The following SHQ1 variants were observed in gnomAD, a reference collection of about 807,000 sequenced individuals.
SHQ1 encodes SHQ1, H/ACA ribonucleoprotein assembly factor, also known as protein SHQ1 homolog.
A neutral mutation model predicts 53.8 loss-of-function variants in SHQ1; 49 were observed. That is an observed-to-expected ratio of 0.91 (90% confidence interval 0.72 to 1.16). SHQ1 has a LOEUF of 1.16. SHQ1 is among the 50% of genes most tolerant of loss of function. The pLI is 0.00. For missense variants in SHQ1, 738 were observed against 683.1 expected (o/e 1.08, Z -0.90); for synonymous variants, 243 against 251.0 (o/e 0.97, Z 0.30).
the SHQ1 span, among the ~76,000 whole-genome samples, chr3:72,727,529 T>C: frequency 2.0e-5 from 3 of 152,204 alleles, no homozygotes. Flanking sequence ...ACATCAGAGC[T>C]AGGAACAGAT....
intron 5 of SHQ1, among the ~76,000 whole-genome samples, chr3:72,828,109 C>T (rs1575728552): frequency 6.6e-6 from 1 of 152,158 alleles, no homozygotes; most frequent in African/African-American, 2.4e-5. Flanking sequence ...ATGCCCTCTA[C>T]GTGCATCATC....
At chr3:72,763,971 T>C (rs1254410705) in intron 10 of SHQ1, among the ~76,000 whole-genome samples, 1 of 151,240 alleles carries the variant, frequency 6.6e-6, no homozygotes, top group Non-Finnish European at 1.5e-5. Context: ...GAACAGAAAT[T>C]AGAAAGCATT....
intron 10 of SHQ1, among the ~76,000 whole-genome samples, chr3:72,751,508 G>GTGTGTGTGTGTGTATATATATATA (rs1210782182): frequency 1.7e-4 from 20 of 116,976 alleles, no homozygotes; most frequent in African/African-American, 8.4e-4. Context: ...GTGTGTGTGT[G>GTGTGTGTGTGTGTATATATATATA]TATATATATA....
At chr3:72,806,915 A>G (rs1009273224) in intron 9 of SHQ1, among the ~76,000 whole-genome samples, 8 of 152,160 alleles carry the variant, frequency 5.3e-5, no homozygotes, top group Non-Finnish European at 1.0e-4. Flanking sequence ...TGGACATCTT[A>G]GCTCCCTAGG....
chr3:72,733,290 C>T, the SHQ1 span, among the ~76,000 whole-genome samples: 1 of 151,642 alleles, frequency 6.6e-6, no homozygotes, highest in Non-Finnish European at 1.5e-5. Flanking sequence ...CCATTCCAAC[C>T]AGCACCTAGG....
chr3:72,835,695 C>T (rs767527261), intron 4 of SHQ1, among the ~76,000 whole-genome samples: 2 of 152,192 alleles, frequency 1.3e-5, no homozygotes, highest in African/African-American at 2.4e-5. Context: ...GTTCACCGTC[C>T]TCTTCTGGCT....
chr3:72,765,528 GAC>G (rs1401746616), intron 10 of SHQ1, among the ~76,000 whole-genome samples: 1 of 99,902 alleles, frequency 1.0e-5, no homozygotes, highest in East Asian at 2.5e-4. Context: ...AGATTCACAT[GAC>G]ATATATATAT....
chr3:72,739,295 C>G, the SHQ1 span, among the ~76,000 whole-genome samples: 1 of 152,190 alleles, frequency 6.6e-6, no homozygotes, highest in Non-Finnish European at 1.5e-5. Context: ...GCCCATCCAC[C>G]GACAATCCCC....
chr3:72,813,053 A>G (rs1189715174), intron 8 of SHQ1, among the ~76,000 whole-genome samples: 3 of 152,262 alleles, frequency 2.0e-5, no homozygotes, highest in African/African-American at 7.2e-5. Context: ...AAAGTCCTAA[A>G]GATTACAAAT....
intron 5 of SHQ1, among the ~76,000 whole-genome samples, chr3:72,831,531 C>A (rs1707819973): frequency 6.6e-6 from 1 of 152,124 alleles, no homozygotes. Context: ...AGGTACTATA[C>A]CAATATAAGG....
chr3:72,779,026 A>T (rs1193038734), intron 10 of SHQ1, among the ~76,000 whole-genome samples: 5 of 152,182 alleles, frequency 3.3e-5, no homozygotes, highest in Non-Finnish European at 7.3e-5. Flanking sequence ...AACTGGCCTA[A>T]AAAGCTCTTT....
At chr3:72,758,006 A>G (rs1264212975) in intron 10 of SHQ1, among the ~76,000 whole-genome samples, 2 of 152,228 alleles carry the variant, frequency 1.3e-5, no homozygotes, top group Admixed American at 6.5e-5. Flanking sequence ...TTTTATGATA[A>G]TGACATATCA....
chr3:72,742,676 G>A, the SHQ1 span, among the ~76,000 whole-genome samples: 371 of 148,846 alleles, frequency 2.5e-3, 1 homozygote, highest in African/African-American at 9.0e-3. Context: ...GAGTGCAGTG[G>A]CATAATCTCG....
rs181545271 is a variant in SHQ1, at chr3:72,809,505, A to T, written c.1060+3166T>A. The T allele has an allele frequency of 1.3e-3, 198 of 152,278 alleles. 1 individual carries two copies. Among genetic ancestry groups the T allele is most frequent in the African/African-American group, 4.5e-3 (187 of 41,536 alleles). 9.4% of individuals were successfully genotyped at this position (152,278 alleles called of 1,614,324 possible). ...GGAAGTGAAAGCAAAAATTAAGTTG[A>T]TGTTTCTCTTCCATCCCATCCCATC... On this transcript the variant is annotated intron_variant, in intron 9 of 10. Coordinates refer to ENST00000325599, the MANE Select transcript of SHQ1 (RefSeq NM_018130.3).
the SHQ1 span, among the ~76,000 whole-genome samples, chr3:72,725,820 TTGTC>T: frequency 6.6e-6 from 1 of 152,194 alleles, no homozygotes; most frequent in African/African-American, 2.4e-5. Context: ...TTACTGCTCT[TTGTC>T]TGTCCTGGCT....
intron 9 of SHQ1, among the ~76,000 whole-genome samples, chr3:72,802,027 G>A (rs1363198495): frequency 2.0e-5 from 3 of 152,110 alleles, no homozygotes; most frequent in South Asian, 2.1e-4. Context: ...TTAACCGTTC[G>A]GTACTTAATC....
chr3:72,781,671 G>T (rs1055475652), intron 10 of SHQ1, among the ~76,000 whole-genome samples: 1 of 151,898 alleles, frequency 6.6e-6, no homozygotes, highest in South Asian at 2.1e-4. Flanking sequence ...GGCAATCCCA[G>T]CCCTGCCATA....
chr3:72,777,009 A>G (rs1346585939), intron 10 of SHQ1, among the ~76,000 whole-genome samples: 1 of 152,204 alleles, frequency 6.6e-6, no homozygotes, highest in Non-Finnish European at 1.5e-5. Context: ...CCATATGGGA[A>G]AAAAGAAACT....
chr3:72,735,334 T>G, the SHQ1 span, among the ~76,000 whole-genome samples: 2 of 148,514 alleles, frequency 1.3e-5, no homozygotes, highest in Non-Finnish European at 3.0e-5. Flanking sequence ...GTGCCTACAG[T>G]TGGCTTCCAG....
Sources: allele counts gnomAD v4.1 joint callset (sites outside exome capture counted in the v4.1 genomes callset), GRCh38; gene constraint gnomAD v4.1.1; transcripts MANE v1.5; gene names NCBI Gene and HGNC (gene_info 2026-07-23, HGNC 2026-07-21).